Variants in VIPR2 observed in about 807,000 individuals in gnomAD.
VIPR2 encodes the protein vasoactive intestinal polypeptide receptor 2.
In VIPR2, 48 loss-of-function variants were observed where a neutral mutation model predicts 58.0. The observed-to-expected ratio is 0.83, with a 90% CI of 0.66 to 1.05. The LOEUF (loss-of-function observed/expected upper bound fraction) is 1.05. VIPR2 is among the 50% of genes least tolerant of loss of function. The pLI, the probability that VIPR2 is intolerant of heterozygous loss-of-function variation, is 0.00. For missense variants in VIPR2, 534 were observed against 558.0 expected (o/e 0.96, Z 0.43); for synonymous variants, 243 against 235.2 (o/e 1.03, Z -0.30).
At position 159,109,559 on chromosome 7, in the gene VIPR2, C is replaced by T. The variant is rs987695142; in HGVS notation, c.259+253G>A. On this transcript the variant is annotated intron_variant, in intron 3 of 12. Coordinates refer to ENST00000262178, the MANE Select transcript of VIPR2 (RefSeq NM_003382.5). ...CATGCACGTTTCCCGTGCTTTGGTT[C>T]CCATTTGGCTCCTGTCTCCCCTGGT... 2.0e-5 allele frequency among the ~76,000 whole-genome samples: 3 copies of T among 152,142 alleles called. No homozygotes were observed. In the South Asian group the frequency reaches 6.2e-4, roughly 32 times the overall value.
At chr7:159,100,411 G>A (rs889742647) in intron 4 of VIPR2, among the ~76,000 whole-genome samples, 6 of 151,278 alleles carry the variant, frequency 4.0e-5, no homozygotes, top group Admixed American at 1.3e-4. Context: ...AGTAACACCC[G>A]CCAATGCCAG....
chr7:159,039,128 G>A (rs562367064), intron 6 of VIPR2, among the ~76,000 whole-genome samples: 1 of 152,330 alleles, frequency 6.6e-6, no homozygotes, highest in Admixed American at 6.5e-5. Context: ...CAGCCTTTTG[G>A]AAGGCAATCT....
At chr7:159,051,568 T>C (rs1855009125) in intron 5 of VIPR2, among the ~76,000 whole-genome samples, 1 of 152,192 alleles carries the variant, frequency 6.6e-6, no homozygotes, top group Admixed American at 6.5e-5. Flanking sequence ...AGACTGTGCG[T>C]ATGAAAATGC....
chr7:159,104,174 T>C (rs911702531), intron 3 of VIPR2, among the ~76,000 whole-genome samples: 3 of 152,172 alleles, frequency 2.0e-5, no homozygotes, highest in Non-Finnish European at 4.4e-5. Context: ...TCTGCCACCA[T>C]AAGTGATATT....
intron 2 of VIPR2, among the ~76,000 whole-genome samples, chr7:159,129,006 T>G (rs558404949): frequency 9.6e-4 from 146 of 152,226 alleles, no homozygotes; most frequent in African/African-American, 3.3e-3. Context: ...CACAGCACAT[T>G]TTGGTGCCAG....
intron 3 of VIPR2, among the ~76,000 whole-genome samples, chr7:159,104,486 C>T (rs1858511806): frequency 6.8e-6 from 1 of 147,800 alleles, no homozygotes; most frequent in Non-Finnish European, 1.5e-5. Flanking sequence ...GACCAGGTGC[C>T]CAGTCCAGTT....
intron 6 of VIPR2, among the ~76,000 whole-genome samples, chr7:159,042,484 C>T (rs1027233033): frequency 6.6e-6 from 1 of 152,166 alleles, no homozygotes; most frequent in African/African-American, 2.4e-5. Context: ...GAGTCAAACA[C>T]CCTGTACTGC....
intron 1 of VIPR2, among the ~76,000 whole-genome samples, chr7:159,144,013 C>G (rs1239185951): frequency 6.6e-6 from 1 of 152,258 alleles, no homozygotes; most frequent in Non-Finnish European, 1.5e-5. Flanking sequence ...GCGGATCGAT[C>G]CAGACCTGCC....
At chr7:159,041,867 G>A (rs1312894574) in intron 6 of VIPR2, among the ~76,000 whole-genome samples, 1 of 151,990 alleles carries the variant, frequency 6.6e-6, no homozygotes, top group African/African-American at 2.4e-5. Context: ...GAGAGAATCC[G>A]ACACCATCCT....
rs978673909 is a variant in VIPR2, at chr7:159,128,300, C to G, written c.151+14146G>C. On this transcript the variant is annotated intron_variant, in intron 2 of 12. Coordinates refer to ENST00000262178, the MANE Select transcript of VIPR2 (RefSeq NM_003382.5). The surrounding 1 kb of genome is among the most constrained non-coding windows in gnomAD (Gnocchi z 4.1). ...GACCCAGCTCTCATGATCTCACAGC[C>G]CCATCCTCCTCCAACCCCTGACCAC... 6.6e-6 allele frequency among the ~76,000 whole-genome samples: 1 copy of G among 152,182 alleles called. No homozygotes were observed. The highest frequency in any genetic ancestry group is 2.4e-5 in the African/African-American group (1 of 41,442).
At position 159,099,909 on chromosome 7, in the gene VIPR2, T is replaced by C. The variant is rs77072548; in HGVS notation, c.357+3848A>G. Among the ~76,000 whole-genome samples the C allele has an allele frequency of 0.11, 16,149 of 152,098 alleles. 1,023 individuals carry two copies. Among genetic ancestry groups the C allele is most frequent in the African/African-American group, 0.17 (7,053 of 41,450 alleles). ...TGGTGTGTGATGACAGAGGCCGCAA[T>C]GTTCCCCCTCTCCCTGGCTGAGCTG... On this transcript the variant is annotated intron_variant, in intron 4 of 12. Coordinates refer to ENST00000262178, the MANE Select transcript of VIPR2 (RefSeq NM_003382.5). This position sits in a 1 kb window ranked among gnomAD's most constrained non-coding sequence, Gnocchi z 4.2.
chr7:159,067,126 C>G (rs1367824425), intron 4 of VIPR2, among the ~76,000 whole-genome samples: 1 of 152,232 alleles, frequency 6.6e-6, no homozygotes, highest in Non-Finnish European at 1.5e-5. Context: ...CCACACTCGA[C>G]AAAGCTCAGA....
intron 2 of VIPR2, among the ~76,000 whole-genome samples, chr7:159,111,747 G>A (rs1016402490): frequency 2.6e-5 from 4 of 152,078 alleles, no homozygotes; most frequent in African/African-American, 9.7e-5. Flanking sequence ...AGTGACTCAT[G>A]TTTGTAATCT....
chr7:159,089,567 A>T (rs1857346619), intron 4 of VIPR2, among the ~76,000 whole-genome samples: 1 of 152,286 alleles, frequency 6.6e-6, no homozygotes, highest in Non-Finnish European at 1.5e-5. Context: ...CCTTAACAAC[A>T]ACTATTATTA....
intron 5 of VIPR2, among the ~76,000 whole-genome samples, chr7:159,051,859 G>C (rs2129493774): frequency 6.6e-6 from 1 of 152,198 alleles, no homozygotes; most frequent in South Asian, 2.1e-4. Context: ...GAATTAAAAG[G>C]ACAAATAGAC....
chr7:159,099,693 G>A lies in VIPR2; in HGVS notation c.357+4064C>T, dbSNP rs778685094. On this transcript the variant is annotated intron_variant, in intron 4 of 12. Coordinates refer to ENST00000262178, the MANE Select transcript of VIPR2 (RefSeq NM_003382.5). This position sits in a 1 kb window ranked among gnomAD's most constrained non-coding sequence, Gnocchi z 4.2. Reference sequence around the variant, plus strand: ...CTAATGTCTCCCAGGCACAGTTGCCGGCTAGGTGCAGACGAAGATGAAGAC... The same window carrying A: ...CTAATGTCTCCCAGGCACAGTTGCCAGCTAGGTGCAGACGAAGATGAAGAC... Among the ~76,000 whole-genome samples the A allele has an allele frequency of 1.4e-4, 21 of 152,108 alleles. No homozygotes were observed. The highest frequency in any genetic ancestry group is 2.6e-4 in the Admixed American group (4 of 15,280).
intron 10 of VIPR2, among the ~76,000 whole-genome samples, chr7:159,033,642 T>C (rs1052125600): frequency 2.6e-5 from 4 of 152,158 alleles, no homozygotes; most frequent in African/African-American, 9.7e-5. Context: ...GCCATCTTCA[T>C]GTAATCACGT....
intron 2 of VIPR2, among the ~76,000 whole-genome samples, chr7:159,133,357 G>C (rs533178798): frequency 2.6e-5 from 4 of 152,382 alleles, no homozygotes; most frequent in East Asian, 3.9e-4. Flanking sequence ...CTCCTTTCTG[G>C]AGAAAACTTA....
At chr7:159,117,383 T>G (rs1796277024) in intron 2 of VIPR2, 1 of 717,318 alleles carries the variant, frequency 1.4e-6, no homozygotes, top group African/African-American at 1.7e-5. Flanking sequence ...CCGGCGTGAA[T>G]GAGGATGAAT....
Sources: allele counts gnomAD v4.1 joint callset (sites outside exome capture counted in the v4.1 genomes callset), GRCh38; gene constraint gnomAD v4.1.1; non-coding constraint Gnocchi (gnomAD v3.1); transcripts MANE v1.5; gene names NCBI Gene and HGNC (gene_info 2026-07-23, HGNC 2026-07-21).